TIMM17A: variants seen among roughly 807,000 people sequenced by gnomAD.
The protein encoded by TIMM17A is translocase of inner mitochondrial membrane 17A, also known as mitochondrial import inner membrane translocase subunit Tim17-A.
In TIMM17A, 15 loss-of-function variants were observed where a neutral mutation model predicts 26.5. That is an observed-to-expected ratio of 0.57 (90% CI 0.38 to 0.87). TIMM17A has a LOEUF of 0.87. Ranked by LOEUF, TIMM17A falls within the 40% of genes least tolerant of loss-of-function variation. TIMM17A has a pLI of 0.00. For missense variants in TIMM17A, 201 were observed against 210.0 expected, an observed-to-expected ratio of 0.96 and a Z score of 0.27; for synonymous variants, 80 against 70.8, an observed-to-expected ratio of 1.13 and a Z score of -0.66.
In TIMM17A at chr1:201,963,674, CAG is replaced by C; in HGVS notation, c.252_253del (p.Gly85LysfsTer42). The C allele has an allele frequency of 6.2e-7, 1 of 1,611,052 alleles. No individual in the cohort carries two copies. The highest frequency in any genetic ancestry group is 2.2e-5 in the East Asian group (1 of 44,758). ...SMIDCSMVQVRGKEDPWNSIT... is the reference protein window; with the variant it reads ...SMIDCSMVQVXGKEDPWNSIT... ...TGATTGACTGTAGTATGGTTCAAGT[CAG>C]AGGAAAGGAAGATCCCTGGAACTCC... On this transcript the variant is annotated frameshift_variant, in exon 4 of 6. Transcript: ENST00000367287. LOFTEE classifies it high-confidence loss of function.
chr1:201,970,066 A>G lies in TIMM17A; in HGVS notation c.*512A>G, dbSNP rs1682707049. 6.5e-6 allele frequency: 1 copy of G among 152,784 alleles called. No individual in the cohort carries two copies. Among genetic ancestry groups the G allele is most frequent in the African/African-American group, 2.4e-5 (1 of 41,464 alleles). The allele number at this position is 152,784 out of a possible 1,614,324, so 9.5% of individuals were successfully genotyped here. A position where few individuals can be genotyped will look rare whatever the true frequency, so the allele number is the denominator to read the frequency against. ...GAATTATGCAGAGTCAACATGGATC[A>G]TTTCACAGTGAGATGCTTTATGGAT... On this transcript the variant is annotated 3_prime_UTR_variant, in exon 6 of 6. Coordinates refer to ENST00000367287, the MANE Select transcript of TIMM17A (RefSeq NM_006335.3).
intron 4 of TIMM17A, among the ~76,000 whole-genome samples, chr1:201,964,633 TTC>T (rs1483850732): frequency 8.4e-6 from 1 of 118,376 alleles, no homozygotes; most frequent in African/African-American, 2.9e-5. Flanking sequence ...TTTATTTTAT[TTC>T]TTTTTTTTTT....
At position 201,963,690 on chromosome 1, in the gene TIMM17A, C is replaced by G. The variant is rs954900436; in HGVS notation, c.265C>G (p.Pro89Ala). The change falls in exon 4 of 6, where the codon CCC (proline) becomes GCC (alanine). Residue 89 changes from proline (P) to alanine (A), a missense_variant. Coordinates refer to ENST00000367287, the MANE Select transcript of TIMM17A (RefSeq NM_006335.3). ...GGTTCAAGTCAGAGGAAAGGAAGAT[C>G]CCTGGAACTCCATCACAAGTGGTGC... ...SMVQVRGKED[P>A]WNSITSGALT... is the part of the protein sequence containing the mutation. The G allele has an allele frequency of 1.2e-6, 2 of 1,611,742 alleles. No homozygotes were observed. The highest frequency in any genetic ancestry group is 2.7e-5 in the African/African-American group (2 of 74,746).
chr1:201,958,429 G>A (rs1204569229), intron 3 of TIMM17A, among the ~76,000 whole-genome samples: 3 of 152,240 alleles, frequency 2.0e-5, no homozygotes, highest in Non-Finnish European at 2.9e-5. Flanking sequence ...AGGGTTGGGC[G>A]CAATGGCTCA....
chr1:201,967,021 A>G (rs547489546), intron 5 of TIMM17A, among the ~76,000 whole-genome samples: 15,257 of 57,150 alleles, frequency 0.27, 965 homozygotes, highest in Middle Eastern at 0.38. Context: ...GTGTGTATAT[A>G]TATATAGTGA....
chr1:201,966,991 T>TTATATGTGTGTGTG (rs572223784), intron 5 of TIMM17A, among the ~76,000 whole-genome samples: 19 of 133,094 alleles, frequency 1.4e-4, no homozygotes, highest in Non-Finnish European at 2.7e-4. Context: ...ATTATATATG[T>TTATATGTGTGTGTG]TGTGTGTGTG....
In TIMM17A at chr1:201,965,488, A is replaced by T. The variant is rs1192532683; in HGVS notation, c.375A>T (p.Leu125Phe). The T allele has an allele frequency of 6.2e-7, 1 of 1,614,164 alleles. No homozygotes were observed. Among genetic ancestry groups the T allele is most frequent in the Non-Finnish European group, 8.5e-7 (1 of 1,179,996 alleles). ...SAAMGGILLA[L>F]IEGAGILLTR... is the part of the protein sequence containing the mutation. ...CAATGGGTGGCATTCTCCTAGCTTTAATTGAAGGAGCTGGTATCTTGTTGA... is the reference window on the plus strand; with the variant it reads ...CAATGGGTGGCATTCTCCTAGCTTTTATTGAAGGAGCTGGTATCTTGTTGA... The change falls in exon 5 of 6, where the codon TTA becomes TTT. Residue 125 changes from leucine to phenylalanine, a missense_variant. By Grantham distance (22) the Leu-to-Phe change is conservative. Coordinates refer to ENST00000367287, the MANE Select transcript of TIMM17A (RefSeq NM_006335.3).
chr1:201,955,823 C>G (rs190832512), intron 1 of TIMM17A, among the ~76,000 whole-genome samples: 1 of 152,334 alleles, frequency 6.6e-6, no homozygotes, highest in Admixed American at 6.5e-5. Context: ...TTTGATAGAA[C>G]CTCGGAACCT....
intron 4 of TIMM17A, 106 bp from the exon 5 acceptor site, chr1:201,965,327 G>A (rs1281422555): frequency 4.0e-6 from 3 of 759,192 alleles, no homozygotes; most frequent in Non-Finnish European, 6.7e-6. Context: ...AAAGAGTTTG[G>A]GAGTTGGGGG....
chr1:201,960,707 A>C (rs761551945), intron 3 of TIMM17A, among the ~76,000 whole-genome samples: 2 of 152,174 alleles, frequency 1.3e-5, no homozygotes, highest in South Asian at 2.1e-4. Flanking sequence ...AGGTGCAGGG[A>C]GGGACAGGCA....
chr1:201,959,721 T>G (rs1429194502), intron 3 of TIMM17A, among the ~76,000 whole-genome samples: 2 of 151,918 alleles, frequency 1.3e-5, no homozygotes, highest in African/African-American at 2.4e-5. Context: ...ACGACTGTAA[T>G]CCCAGCACTT....
At chr1:201,956,784 C>T (rs1469101785) in intron 1 of TIMM17A, among the ~76,000 whole-genome samples, 7 of 151,790 alleles carry the variant, frequency 4.6e-5, no homozygotes, top group Admixed American at 4.6e-4. Context: ...GGTGAAACCC[C>T]GTCTCTACTA....
intron 4 of TIMM17A, 131 bp downstream of exon 4, chr1:201,963,875 C>T (rs1682577272): frequency 7.5e-6 from 8 of 1,059,694 alleles, no homozygotes; most frequent in African/African-American, 3.3e-5. Context: ...ACTATAATTC[C>T]ATCACTTGGG....
At chr1:201,963,324 C>T (rs951806661) in intron 3 of TIMM17A, 2 of 252,618 alleles carry the variant, frequency 7.9e-6, no homozygotes, top group African/African-American at 4.7e-5. Flanking sequence ...GATCCACCCA[C>T]TTCAGCCTCC....
intron 1 of TIMM17A, among the ~76,000 whole-genome samples, chr1:201,955,885 CCT>C (rs899166151): frequency 2.6e-5 from 4 of 152,218 alleles, no homozygotes; most frequent in African/African-American, 4.8e-5. Flanking sequence ...TATAATCCCC[CCT>C]GTTCGTCGAG....
At chr1:201,956,189 C>T (rs1682406039) in intron 1 of TIMM17A, among the ~76,000 whole-genome samples, 1 of 152,044 alleles carries the variant, frequency 6.6e-6, no homozygotes, top group Non-Finnish European at 1.5e-5. Context: ...CTCTGAAAAG[C>T]CATGGACAGA....
intron 4 of TIMM17A, 93 bp from the exon 5 acceptor site, chr1:201,965,340 C>A: frequency 1.2e-6 from 1 of 855,876 alleles, no homozygotes; most frequent in Non-Finnish European, 1.9e-6. Context: ...GTTGGGGGAG[C>A]ATGTCACCAT....
Position 201,963,676 on chromosome 1 carries a change from G to A in TIMM17A, c.251G>A (p.Arg84Lys), listed in dbSNP as rs1399936434. The stretch of plus-strand genomic sequence containing the variant: ...ATTGACTGTAGTATGGTTCAAGTCA[G>A]AGGAAAGGAAGATCCCTGGAACTCC... ...SMIDCSMVQVRGKEDPWNSIT... is the reference protein window; with the variant it reads ...SMIDCSMVQVKGKEDPWNSIT... The change falls in exon 4 of 6, where the codon AGA becomes AAA. Residue 84 changes from arginine to lysine, a missense_variant. By Grantham distance (26) the Arg-to-Lys change is conservative (BLOSUM62 2). Coordinates refer to ENST00000367287, the MANE Select transcript of TIMM17A (RefSeq NM_006335.3). 6.2e-7 allele frequency: 1 copy of A among 1,611,594 alleles called. No individual in the cohort carries two copies. The highest frequency in any genetic ancestry group is 1.1e-5 in the South Asian group (1 of 90,456).
At chr1:201,962,042 C>T (rs1261361747) in intron 3 of TIMM17A, among the ~76,000 whole-genome samples, 1 of 152,076 alleles carries the variant, frequency 6.6e-6, no homozygotes, top group East Asian at 1.9e-4. Flanking sequence ...TTATGGATCT[C>T]CTCCTCATCC....
Sources: gnomAD v4.1 joint callset for allele counts (sites outside exome capture counted in the v4.1 genomes callset) on GRCh38, gnomAD v4.1.1 for gene constraint, MANE v1.5 for transcripts, NCBI Gene and HGNC (gene_info 2026-07-23, HGNC 2026-07-21) for gene names.